The following EFNA5 variants were observed in gnomAD, a reference collection of about 807,000 sequenced individuals.
The protein encoded by EFNA5 is ephrin A5, also known as ephrin-A5.
In EFNA5, 5 loss-of-function variants were observed where a neutral mutation model predicts 22.9. That is an observed-to-expected ratio of 0.22 (90% CI 0.11 to 0.46). The LOEUF (loss-of-function observed/expected upper bound fraction) is 0.46, where lower values mean the gene tolerates loss of function less well. EFNA5 is among the 20% of genes least tolerant of loss of function. The probability of loss-of-function intolerance (pLI) is 0.99; values close to 1 mark genes in which losing one functional copy is unlikely to be tolerated. For synonymous variants in EFNA5, 113 were observed against 112.2 expected (o/e 1.01, Z -0.04); for missense variants, 237 against 293.3 (o/e 0.81, Z 1.40).
intron 1 of EFNA5, among the ~76,000 whole-genome samples, chr5:107,659,592 A>G (rs1305527813): frequency 6.6e-6 from 1 of 151,154 alleles, no homozygotes; most frequent in Non-Finnish European, 1.5e-5. Flanking sequence ...CCATCAAAAG[A>G]GAAAAATAGC....
At chr5:107,661,636 A>G (rs1002479946) in intron 1 of EFNA5, among the ~76,000 whole-genome samples, 5 of 152,232 alleles carry the variant, frequency 3.3e-5, no homozygotes, top group African/African-American at 1.2e-4. Context: ...ATTGTTAGAC[A>G]CAAAAGATAA....
intron 1 of EFNA5, among the ~76,000 whole-genome samples, chr5:107,519,426 C>T (rs940318604): frequency 6.6e-6 from 1 of 152,230 alleles, no homozygotes; most frequent in Non-Finnish European, 1.5e-5. Flanking sequence ...TTGACAAGGT[C>T]ACACCAGGTT....
chr5:107,622,268 T>G (rs1750052206), intron 1 of EFNA5, among the ~76,000 whole-genome samples: 1 of 152,150 alleles, frequency 6.6e-6, no homozygotes, highest in African/African-American at 2.4e-5. Flanking sequence ...AATGGCACAG[T>G]AGTGGGATTC....
At chr5:107,639,348 G>A (rs1055348074) in intron 1 of EFNA5, among the ~76,000 whole-genome samples, 2 of 152,204 alleles carry the variant, frequency 1.3e-5, no homozygotes. Flanking sequence ...AAGTGCTTAA[G>A]AGCACAGACT....
At chr5:107,568,296 G>T (rs1485128147) in intron 1 of EFNA5, among the ~76,000 whole-genome samples, 1 of 152,008 alleles carries the variant, frequency 6.6e-6, no homozygotes, top group African/African-American at 2.4e-5. Context: ...ACAGGGGAGG[G>T]GAAGAAAAAA....
chr5:107,620,848 T>C (rs1198226024), intron 1 of EFNA5, among the ~76,000 whole-genome samples: 1 of 152,122 alleles, frequency 6.6e-6, no homozygotes, highest in Non-Finnish European at 1.5e-5. Context: ...AAACTTTAGG[T>C]GCAAAGAAGC....
intron 1 of EFNA5, among the ~76,000 whole-genome samples, chr5:107,457,980 T>C (rs1056212775): frequency 6.6e-6 from 1 of 152,150 alleles, no homozygotes; most frequent in Non-Finnish European, 1.5e-5. Context: ...TAGAACGTGT[T>C]CAAGGTTTCT....
chr5:107,386,852 A>G (rs1301851083), intron 4 of EFNA5, among the ~76,000 whole-genome samples: 1 of 152,228 alleles, frequency 6.6e-6, no homozygotes, highest in Non-Finnish European at 1.5e-5. Flanking sequence ...ATAAAAAATA[A>G]AATTTTATGA....
At chr5:107,623,940 T>C (rs893348137) in intron 1 of EFNA5, among the ~76,000 whole-genome samples, 3 of 152,054 alleles carry the variant, frequency 2.0e-5, no homozygotes, top group Non-Finnish European at 4.4e-5. Flanking sequence ...AAAATGAAAC[T>C]AAAGAAAGGT....
intron 1 of EFNA5, among the ~76,000 whole-genome samples, chr5:107,487,933 C>A (rs1319028693): frequency 1.3e-5 from 2 of 152,160 alleles, no homozygotes; most frequent in Non-Finnish European, 2.9e-5. Context: ...GTATTATATC[C>A]AACATTACAT....
chr5:107,661,376 A>G (rs1201574838), intron 1 of EFNA5, among the ~76,000 whole-genome samples: 1 of 152,194 alleles, frequency 6.6e-6, no homozygotes, highest in Non-Finnish European at 1.5e-5. Context: ...ATGAAAACTA[A>G]AAAGACTGAT....
At chr5:107,593,342 G>A (rs1561443743) in intron 1 of EFNA5, among the ~76,000 whole-genome samples, 1 of 152,162 alleles carries the variant, frequency 6.6e-6, no homozygotes, top group South Asian at 2.1e-4. Flanking sequence ...TTTGCACCAG[G>A]AGAACAAATC....
At chr5:107,617,209 T>TACACACACAC (rs373146585) in intron 1 of EFNA5, among the ~76,000 whole-genome samples, 100 of 141,144 alleles carry the variant, frequency 7.1e-4, no homozygotes, top group Non-Finnish European at 9.4e-4. Context: ...CATGTGCACA[T>TACACACACAC]ACACACACAC....
intron 1 of EFNA5, among the ~76,000 whole-genome samples, chr5:107,597,731 G>A (rs1419544264): frequency 6.6e-6 from 1 of 152,126 alleles, no homozygotes; most frequent in African/African-American, 2.4e-5. Flanking sequence ...AATATAACAA[G>A]ATGAATTTCA....
intron 1 of EFNA5, among the ~76,000 whole-genome samples, chr5:107,657,658 G>T (rs1750856834): frequency 6.6e-6 from 1 of 152,068 alleles, no homozygotes; most frequent in Admixed American, 6.6e-5. Context: ...TTATACTTAA[G>T]TGGTCACTGT....
At chr5:107,475,050 G>A (rs1750245617) in intron 1 of EFNA5, among the ~76,000 whole-genome samples, 1 of 152,174 alleles carries the variant, frequency 6.6e-6, no homozygotes, top group Non-Finnish European at 1.5e-5. Flanking sequence ...GAGCTAAGAT[G>A]TTTACTTGAC....
At chr5:107,587,130 C>T (rs983502262) in intron 1 of EFNA5, among the ~76,000 whole-genome samples, 1 of 152,166 alleles carries the variant, frequency 6.6e-6, no homozygotes. Context: ...AATTTTCTAT[C>T]TAAAATCCTA....
chr5:107,398,351 C>T (rs1747984396), intron 2 of EFNA5, among the ~76,000 whole-genome samples: 2 of 152,126 alleles, frequency 1.3e-5, no homozygotes, highest in African/African-American at 4.8e-5. Flanking sequence ...GTTTCTGTCT[C>T]CTTACTAGCA....
intron 1 of EFNA5, among the ~76,000 whole-genome samples, chr5:107,437,391 T>A (rs1012261572): frequency 1.3e-5 from 2 of 152,194 alleles, no homozygotes; most frequent in Non-Finnish European, 2.9e-5. Context: ...TGTGAGCAGT[T>A]GGATACAAAT....
Sources: gnomAD v4.1 joint callset for allele counts (sites outside exome capture counted in the v4.1 genomes callset) on GRCh38, gnomAD v4.1.1 for gene constraint, MANE v1.5 for transcripts, NCBI Gene and HGNC (gene_info 2026-07-23, HGNC 2026-07-21) for gene names.